CATSPERB: variants seen among roughly 807,000 people sequenced by gnomAD.
The protein encoded by CATSPERB is cation channel sperm-associated auxiliary subunit beta.
In CATSPERB, 93 loss-of-function variants were observed where a neutral mutation model predicts 128.3. That is an observed-to-expected ratio of 0.72 (90% CI 0.61 to 0.86). The LOEUF (loss-of-function observed/expected upper bound fraction) is 0.86. Among genes scored for constraint, CATSPERB ranks in the 40% least tolerant of loss-of-function variants. The pLI is 0.00. For missense variants in CATSPERB, 1,153 were observed against 1,329.5 expected, an observed-to-expected ratio of 0.87 and a Z score of 2.06; for synonymous variants, 381 against 448.8, an observed-to-expected ratio of 0.85 and a Z score of 1.91.
intron 10 of CATSPERB, among the ~76,000 whole-genome samples, chr14:91,685,596 G>A (rs1007507920): frequency 2.6e-5 from 4 of 152,152 alleles, no homozygotes; most frequent in Admixed American, 6.5e-5. Context: ...GACAAAATAG[G>A]GTGATAATGA....
intron 18 of CATSPERB, among the ~76,000 whole-genome samples, chr14:91,622,893 CT>C (rs11432858): frequency 3.6e-4 from 46 of 127,790 alleles, no homozygotes; most frequent in African/African-American, 4.2e-4. Context: ...TTCTCAATGA[CT>C]TTTTTTTTTT....
intron 9 of CATSPERB, among the ~76,000 whole-genome samples, chr14:91,692,175 C>CAAAAAAAA (rs748422210): frequency 1.8e-5 from 1 of 55,512 alleles, no homozygotes; most frequent in Admixed American, 1.9e-4. Flanking sequence ...GACTCAGTCT[C>CAAAAAAAA]AAAAAAAAAA....
chr14:91,688,040 A>G (rs1235517565), intron 10 of CATSPERB, among the ~76,000 whole-genome samples: 1 of 152,032 alleles, frequency 6.6e-6, no homozygotes, highest in Non-Finnish European at 1.5e-5. Context: ...AGATAAAATG[A>G]GAGAAACAGC....
chr14:91,703,762 A>G (rs1895690661), intron 7 of CATSPERB, among the ~76,000 whole-genome samples: 1 of 152,188 alleles, frequency 6.6e-6, no homozygotes, highest in Non-Finnish European at 1.5e-5. Context: ...TGTTTACTGT[A>G]TCCTTTGTTT....
At chr14:91,722,706 T>G (rs937781134) in intron 4 of CATSPERB, among the ~76,000 whole-genome samples, 1 of 152,132 alleles carries the variant, frequency 6.6e-6, no homozygotes, top group Non-Finnish European at 1.5e-5. Context: ...TAAAGACATT[T>G]TTAGAAGGAA....
intron 11 of CATSPERB, among the ~76,000 whole-genome samples, chr14:91,678,323 C>T (rs1457839232): frequency 1.3e-5 from 2 of 152,188 alleles, no homozygotes; most frequent in East Asian, 1.9e-4. Flanking sequence ...CCTACTAAGG[C>T]AAACAAAGTT....
chr14:91,652,670 C>CAAAAAAAAAAAAAAAAAAAAAA (rs58608847), intron 15 of CATSPERB, among the ~76,000 whole-genome samples: 1 of 69,166 alleles, frequency 1.4e-5, no homozygotes. Flanking sequence ...GACTCTGTCT[C>CAAAAAAAAAAAAAAAAAAAAAA]AAAAAAAAAA....
At position 91,704,535 on chromosome 14, in the gene CATSPERB, T is replaced by C; in HGVS notation, c.616+17A>G. 3 of 1,582,858 alleles carry C rather than the reference T, an allele frequency of 1.9e-6. No homozygotes were observed. The highest frequency in any genetic ancestry group is 2.6e-6 in the Non-Finnish European group (3 of 1,166,120). ...ATAAAAGGCCAATGTCAACATTTAA[T>C]GAAGCTGTAGACCTACCATCAACTA... On this transcript the variant is annotated intron_variant, in intron 7 of 26. Coordinates refer to ENST00000256343, the MANE Select transcript of CATSPERB (RefSeq NM_024764.4).
At chr14:91,718,247 A>C (rs1314598380) in intron 5 of CATSPERB, among the ~76,000 whole-genome samples, 1 of 152,208 alleles carries the variant, frequency 6.6e-6, no homozygotes, top group Non-Finnish European at 1.5e-5. Context: ...CCAATAAGAA[A>C]ATTAATTTGA....
At chr14:91,611,211 T>A (rs1893819485) in intron 20 of CATSPERB, among the ~76,000 whole-genome samples, 1 of 152,080 alleles carries the variant, frequency 6.6e-6, no homozygotes, top group African/African-American at 2.4e-5. Context: ...ACCATAAAGA[T>A]CTGTTTGAGA....
intron 11 of CATSPERB, among the ~76,000 whole-genome samples, chr14:91,678,726 A>C (rs1385856693): frequency 2.0e-5 from 3 of 152,220 alleles, no homozygotes; most frequent in African/African-American, 4.8e-5. Context: ...TGCCTCTGCT[A>C]GATAGATTAA....
intron 11 of CATSPERB, among the ~76,000 whole-genome samples, chr14:91,677,846 C>T (rs577539713): frequency 7.2e-5 from 11 of 152,064 alleles, no homozygotes; most frequent in East Asian, 1.9e-4. Flanking sequence ...CAATGGTAGA[C>T]GGGATAAAGA....
chr14:91,692,483 T>C (rs1237917209), intron 9 of CATSPERB, among the ~76,000 whole-genome samples: 2 of 152,194 alleles, frequency 1.3e-5, no homozygotes, highest in East Asian at 1.9e-4. Context: ...TTCTCAGAGA[T>C]GGTGAGGAAG....
At chr14:91,712,619 T>G (rs1219989614) in intron 5 of CATSPERB, among the ~76,000 whole-genome samples, 3 of 152,234 alleles carry the variant, frequency 2.0e-5, no homozygotes, top group African/African-American at 7.2e-5. Flanking sequence ...GTTTGTATGA[T>G]TATCGTATAC....
chr14:91,652,887 T>C (rs984189761), intron 15 of CATSPERB, among the ~76,000 whole-genome samples: 1 of 152,082 alleles, frequency 6.6e-6, no homozygotes, highest in African/African-American at 2.4e-5. Context: ...ACCACATGGA[T>C]TAATCTTGAT....
chr14:91,599,359 A>C (rs921430416), intron 22 of CATSPERB, among the ~76,000 whole-genome samples: 5 of 152,136 alleles, frequency 3.3e-5, no homozygotes, highest in African/African-American at 2.4e-5. Context: ...GGAGATTGAG[A>C]CCATCCTGGC....
chr14:91,603,965 ATT>A lies in CATSPERB; in HGVS notation c.2709+4327_2709+4328del, dbSNP rs35843912. Among the ~76,000 whole-genome samples the A allele has an allele frequency of 6.9e-3, 959 of 139,234 alleles. 10 individuals are homozygous for A. Among genetic ancestry groups the A allele is most frequent in the African/African-American group, 0.017 (648 of 37,774 alleles). The allele number at this position is 139,234 out of a possible 152,430, so 91.3% of individuals were successfully genotyped here. On this transcript the variant is annotated intron_variant, in intron 22 of 26. Transcript: ENST00000256343. The stretch of plus-strand genomic sequence containing the variant: ...AAATGTCTATTCAAGAACTTCATCT[ATT>A]TTTTTTTTTTTTGTCTCTCTCTCCC...
chr14:91,654,109 G>A (rs1464252792), intron 15 of CATSPERB, among the ~76,000 whole-genome samples: 1 of 152,180 alleles, frequency 6.6e-6, no homozygotes, highest in Non-Finnish European at 1.5e-5. Flanking sequence ...GAGGAGGGGA[G>A]TAGGGAAGAT....
intron 14 of CATSPERB, among the ~76,000 whole-genome samples, chr14:91,666,393 A>G (rs1397588727): frequency 2.0e-5 from 3 of 152,198 alleles, no homozygotes; most frequent in African/African-American, 7.2e-5. Context: ...ATACTCATCT[A>G]GTAGAATGGG....
Sources: allele counts gnomAD v4.1 joint callset (sites outside exome capture counted in the v4.1 genomes callset), GRCh38; gene constraint gnomAD v4.1.1; transcripts MANE v1.5; gene names NCBI Gene and HGNC (gene_info 2026-07-23, HGNC 2026-07-21).